The following PTPN3 variants were observed in gnomAD, a reference collection of about 807,000 sequenced individuals.
The protein encoded by PTPN3 is tyrosine-protein phosphatase non-receptor type 3.
Under a neutral mutation model 132.7 loss-of-function variants are expected in PTPN3, and 96 were observed. That is an observed-to-expected ratio of 0.72 (90% confidence interval 0.61 to 0.86). The LOEUF (loss-of-function observed/expected upper bound fraction) is 0.86, where lower values mean the gene tolerates loss of function less well. Ranked by LOEUF, PTPN3 falls within the 40% of genes least tolerant of loss-of-function variation. PTPN3 has a pLI of 0.00. For synonymous variants in PTPN3, 398 were observed against 429.0 expected (o/e 0.93, Z 0.89); for missense variants, 1,125 against 1,159.6 (o/e 0.97, Z 0.43).
At chr9:109,420,172 C>G (rs990492898) in intron 14 of PTPN3, among the ~76,000 whole-genome samples, 2 of 152,154 alleles carry the variant, frequency 1.3e-5, no homozygotes, top group African/African-American at 4.8e-5. Context: ...AAGAGACTAA[C>G]AAGTACTTAG....
At chr9:109,521,478 C>T in the PTPN3 span, among the ~76,000 whole-genome samples, 1 of 152,146 alleles carries the variant, frequency 6.6e-6, no homozygotes, top group Admixed American at 6.5e-5. Context: ...GGAACTATTG[C>T]ATCCCAGTTT....
the PTPN3 span, among the ~76,000 whole-genome samples, chr9:109,503,330 C>T: frequency 6.6e-6 from 1 of 152,164 alleles, no homozygotes; most frequent in Non-Finnish European, 1.5e-5. Context: ...TCCCCTGAGC[C>T]TGTGTTCTAA....
chr9:109,501,206 C>G (rs1051263201), upstream of PTPN3, among the ~76,000 whole-genome samples: 1 of 152,124 alleles, frequency 6.6e-6, no homozygotes, highest in African/African-American at 2.4e-5. Context: ...TATATATTCT[C>G]TCTTTAATCC....
chr9:109,534,921 C>T, the PTPN3 span, among the ~76,000 whole-genome samples: 1 of 152,234 alleles, frequency 6.6e-6, no homozygotes, highest in African/African-American at 2.4e-5. Flanking sequence ...TGGGTCATAG[C>T]TCTTTTTCTA....
At chr9:109,462,987 T>C (rs1845922460) in intron 2 of PTPN3, among the ~76,000 whole-genome samples, 1 of 150,818 alleles carries the variant, frequency 6.6e-6, no homozygotes, top group Non-Finnish European at 1.5e-5. Flanking sequence ...TGTTGGTGCT[T>C]CCGTGGAGTC....
At chr9:109,497,167 A>T (rs1260276622) in intron 1 of PTPN3, among the ~76,000 whole-genome samples, 4 of 152,148 alleles carry the variant, frequency 2.6e-5, no homozygotes, top group Non-Finnish European at 5.9e-5. Flanking sequence ...GGGCACAGAG[A>T]CAGGGTCTGT....
intron 23 of PTPN3, chr9:109,383,178 C>A: frequency 1.7e-6 from 1 of 577,500 alleles, no homozygotes; most frequent in Non-Finnish European, 3.1e-6. Flanking sequence ...ATTGTATGGA[C>A]AGACCACGTG....
At chr9:109,430,993 C>G (rs1410201336) in intron 10 of PTPN3, among the ~76,000 whole-genome samples, 3 of 152,256 alleles carry the variant, frequency 2.0e-5, no homozygotes, top group Non-Finnish European at 2.9e-5. Context: ...GCTTAGGGCC[C>G]TTCTTATGTC....
chr9:109,535,944 A>C, the PTPN3 span, among the ~76,000 whole-genome samples: 3 of 152,194 alleles, frequency 2.0e-5, no homozygotes, highest in Non-Finnish European at 4.4e-5. Flanking sequence ...ATGTTGTGCA[A>C]CCGTCACTAC....
the PTPN3 span, among the ~76,000 whole-genome samples, chr9:109,528,053 CATG>C: frequency 5.9e-5 from 9 of 152,282 alleles, no homozygotes; most frequent in African/African-American, 2.2e-4. Flanking sequence ...TTTAAAAGCA[CATG>C]ATATCTCCCC....
intron 12 of PTPN3, 44 bp from the exon 13 acceptor site, chr9:109,422,896 C>T (rs1273322468): frequency 1.3e-6 from 2 of 1,594,402 alleles, no homozygotes; most frequent in Non-Finnish European, 1.7e-6. Context: ...TGACGTTCAA[C>T]AGGAAAGAAA....
chr9:109,491,755 C>A (rs1020099589), intron 1 of PTPN3, among the ~76,000 whole-genome samples: 2 of 152,208 alleles, frequency 1.3e-5, no homozygotes, highest in African/African-American at 4.8e-5. Flanking sequence ...CTGAGACCCA[C>A]AGGATGAAGT....
chr9:109,400,828 C>T (rs975313801), intron 19 of PTPN3, among the ~76,000 whole-genome samples: 17 of 152,244 alleles, frequency 1.1e-4, no homozygotes, highest in Admixed American at 1.1e-3. Flanking sequence ...GCTTTCCTTT[C>T]CTACTAGTTT....
chr9:109,507,687 C>T, the PTPN3 span, among the ~76,000 whole-genome samples: 1 of 152,244 alleles, frequency 6.6e-6, no homozygotes, highest in Admixed American at 6.5e-5. Context: ...CCAGGGACAG[C>T]AGAGTTCCTA....
At chr9:109,415,048 G>A (rs530172191) in intron 14 of PTPN3, among the ~76,000 whole-genome samples, 132 of 136,472 alleles carry the variant, frequency 9.7e-4, no homozygotes, top group African/African-American at 3.4e-3. Context: ...CCGTCCGTCC[G>A]TCCATCCGTC....
intron 11 of PTPN3, 78 bp downstream of exon 11, chr9:109,428,543 G>A: frequency 6.1e-6 from 9 of 1,471,152 alleles, no homozygotes; most frequent in Non-Finnish European, 8.4e-6. Flanking sequence ...CTCAGTTTGG[G>A]CAACATAGCG....
intron 17 of PTPN3, among the ~76,000 whole-genome samples, chr9:109,407,483 A>C (rs189992352): frequency 6.6e-6 from 1 of 152,334 alleles, no homozygotes; most frequent in East Asian, 1.9e-4. Context: ...GTACACCTTG[A>C]GTATGCACAA....
intron 1 of PTPN3, among the ~76,000 whole-genome samples, chr9:109,480,848 C>A (rs1846922515): frequency 6.6e-6 from 1 of 152,140 alleles, no homozygotes; most frequent in East Asian, 1.9e-4. Flanking sequence ...AGGCAGCCTG[C>A]CCAGTGGCTG....
chr9:109,468,435 C>T (rs535801997), intron 1 of PTPN3, among the ~76,000 whole-genome samples: 2 of 151,978 alleles, frequency 1.3e-5, no homozygotes, highest in African/African-American at 2.4e-5. Context: ...GGCGTGATCT[C>T]GGCTCACTGC....
Sources: allele counts gnomAD v4.1 joint callset (sites outside exome capture counted in the v4.1 genomes callset), GRCh38; gene constraint gnomAD v4.1.1; transcripts MANE v1.5; gene names NCBI Gene and HGNC (gene_info 2026-07-23, HGNC 2026-07-21).